COG5: variants seen among roughly 807,000 people sequenced by gnomAD.
COG5 encodes conserved oligomeric Golgi complex subunit 5.
In COG5, 86 loss-of-function variants were observed where a neutral mutation model predicts 110.4. The ratio of observed to expected loss-of-function variants is 0.78; its 90% confidence interval spans 0.65 to 0.93. The LOEUF (loss-of-function observed/expected upper bound fraction) is 0.93, where lower values mean the gene tolerates loss of function less well. COG5 is among the 40% of genes least tolerant of loss of function. The probability of loss-of-function intolerance (pLI) is 0.00; values close to 1 mark genes in which losing one functional copy is unlikely to be tolerated. For missense variants in COG5, 1,077 were observed against 987.0 expected (o/e 1.09, Z -1.22); for synonymous variants, 360 against 334.6 (o/e 1.08, Z -0.83).
chr7:107,416,788 G>T (rs892731878), intron 6 of COG5, among the ~76,000 whole-genome samples: 2 of 152,188 alleles, frequency 1.3e-5, no homozygotes, highest in African/African-American at 4.8e-5. Context: ...CAGCAGATGG[G>T]ACGTTATAGG....
At chr7:107,549,422 C>T (rs892377066) in intron 3 of COG5, among the ~76,000 whole-genome samples, 2 of 152,068 alleles carry the variant, frequency 1.3e-5, no homozygotes, top group African/African-American at 2.4e-5. Context: ...GACAGAGTCT[C>T]GCTCTGTCGC....
chr7:107,535,808 T>C (rs1178715920), intron 5 of COG5, among the ~76,000 whole-genome samples: 1 of 152,204 alleles, frequency 6.6e-6, no homozygotes, highest in African/African-American at 2.4e-5. Context: ...TAACTCATTT[T>C]ATGAGGTCAG....
rs1432862492 is a variant in COG5, at chr7:107,474,619, G to T, written c.538+52618C>A. 1 of 1,610,718 alleles carries T rather than the reference G, an allele frequency of 6.2e-7. No homozygotes were observed. The highest frequency in any genetic ancestry group is 2.2e-5 in the East Asian group (1 of 44,812). ...GGTAAATTTTTTCAGTCTTCAAAGT[G>T]GAAATACCTGGGAAAACAAGACACT... is the stretch of plus-strand genomic sequence containing the variant. On this transcript the variant is annotated intron_variant, in intron 6 of 21. Coordinates refer to ENST00000297135, the MANE Select transcript of COG5 (RefSeq NM_006348.5). The surrounding 1 kb of genome is among the most constrained non-coding windows in gnomAD (Gnocchi z 5.7).
intron 5 of COG5, among the ~76,000 whole-genome samples, chr7:107,531,906 G>A (rs1249307347): frequency 6.6e-6 from 1 of 152,074 alleles, no homozygotes; most frequent in African/African-American, 2.4e-5. Context: ...GTCAGTTCCT[G>A]AGTTCCTTTG....
At chr7:107,411,360 T>C (rs1169997546) in intron 7 of COG5, among the ~76,000 whole-genome samples, 1 of 152,028 alleles carries the variant, frequency 6.6e-6, no homozygotes, top group South Asian at 2.1e-4. Flanking sequence ...TTTTTTTTTT[T>C]AAACGGTGTA....
At chr7:107,551,430 T>G (rs1248057137) in intron 3 of COG5, among the ~76,000 whole-genome samples, 1 of 152,076 alleles carries the variant, frequency 6.6e-6, no homozygotes, top group Non-Finnish European at 1.5e-5. Context: ...TAAACATACC[T>G]CCAAACTACT....
At chr7:107,484,945 G>A (rs1224973930) in intron 6 of COG5, among the ~76,000 whole-genome samples, 1 of 152,122 alleles carries the variant, frequency 6.6e-6, no homozygotes, top group African/African-American at 2.4e-5. Context: ...CTGAAAAGAA[G>A]ACAAGTGTCT....
chr7:107,372,750 T>G lies in COG5; in HGVS notation c.680A>C (p.Gln227Pro), dbSNP rs769249727. The change falls in exon 8 of 22, where the codon CAA (glutamine) becomes CCA (proline). Residue 227 changes from glutamine to proline, a missense_variant. Coordinates refer to ENST00000297135, the MANE Select transcript of COG5 (RefSeq NM_006348.5). ...GAAAACCTGAAGAGCTGTTCCGACTTGAGTTGGATTCTTAAAAAAAGGTGG... is the reference window on the plus strand; with the variant it reads ...GAAAACCTGAAGAGCTGTTCCGACTGGAGTTGGATTCTTAAAAAAAGGTGG... The part of the protein sequence containing the change: ...EQGLETQNPT[Q>P]VGTALQVFYN... 1 of 1,613,474 alleles carries G rather than the reference T, an allele frequency of 6.2e-7. No homozygotes were observed. Among genetic ancestry groups the G allele is most frequent in the South Asian group, 1.1e-5 (1 of 91,034 alleles).
chr7:107,519,476 C>G (rs868234946), intron 6 of COG5, among the ~76,000 whole-genome samples: 3 of 151,834 alleles, frequency 2.0e-5, no homozygotes, highest in African/African-American at 7.3e-5. Flanking sequence ...CCACTGACCC[C>G]AAAGAAATAC....
At chr7:107,356,704 A>T (rs371178733) in intron 10 of COG5, among the ~76,000 whole-genome samples, 1 of 152,168 alleles carries the variant, frequency 6.6e-6, no homozygotes, top group East Asian at 1.9e-4. Context: ...TAGGGAAAAA[A>T]AGTATTAATT....
intron 10 of COG5, among the ~76,000 whole-genome samples, chr7:107,338,175 T>G (rs1033768059): frequency 6.6e-6 from 1 of 152,148 alleles, no homozygotes; most frequent in African/African-American, 2.4e-5. Flanking sequence ...ACATGAAGTC[T>G]CAAGGACCTC....
chr7:107,251,880 G>C (rs1037800765), intron 16 of COG5, among the ~76,000 whole-genome samples: 13 of 151,924 alleles, frequency 8.6e-5, no homozygotes, highest in African/African-American at 2.9e-4. Flanking sequence ...GATAAAAGCA[G>C]AAATCATTGA....
In COG5 at chr7:107,378,524, G is replaced by GA. The variant is rs542492115; in HGVS notation, c.670-5765dup. ...CCAATGCAAGGAAGCTAAGAACCTTGAAAAAAGGTTAGAAAAATCGCTAAC... is the reference window on the plus strand; with the variant it reads ...CCAATGCAAGGAAGCTAAGAACCTTGAAAAAAAGGTTAGAAAAATCGCTAAC... On this transcript the variant is annotated intron_variant, in intron 7 of 21. Coordinates refer to ENST00000297135, the MANE Select transcript of COG5 (RefSeq NM_006348.5). 1.6e-3 allele frequency among the ~76,000 whole-genome samples: 236 copies of GA among 152,108 alleles called. 1 individual carries two copies. Among genetic ancestry groups the GA allele is most frequent in the African/African-American group, 5.3e-3 (222 of 41,504 alleles).
chr7:107,330,345 C>A lies in COG5; in HGVS notation c.1027-5824G>T, dbSNP rs116506262. On this transcript the variant is annotated intron_variant, in intron 10 of 21. Coordinates refer to ENST00000297135, the MANE Select transcript of COG5 (RefSeq NM_006348.5). ...CACATATTATTACATATAAATAGAA[C>A]AAAAGTAAAATATACAAAAATGTCA... 5.5e-3 allele frequency among the ~76,000 whole-genome samples: 831 copies of A among 152,078 alleles called. 9 individuals carry two copies. Among genetic ancestry groups the A allele is most frequent in the African/African-American group, 0.02 (809 of 41,484 alleles).
chr7:107,556,599 C>A (rs1803342836), intron 2 of COG5, among the ~76,000 whole-genome samples: 1 of 152,198 alleles, frequency 6.6e-6, no homozygotes, highest in African/African-American at 2.4e-5. Flanking sequence ...ATTATCCCCG[C>A]TCTCATAAAC....
rs71134263 is a variant in COG5, at chr7:107,365,596, CAAAAAAAAAAA to C, written c.836-3187_836-3177del. On this transcript the variant is annotated intron_variant, in intron 8 of 21. Coordinates refer to ENST00000297135, the MANE Select transcript of COG5 (RefSeq NM_006348.5). ...GGGAATGTTCAACATTGCAAAATGA[CAAAAAAAAAAA>C]AAAAAAAAAAAAAAAGAAAAGCTGA... Among the ~76,000 whole-genome samples, 209 of 36,716 alleles carry C rather than the reference CAAAAAAAAAAA, an allele frequency of 5.7e-3. 1 individual carries two copies. The highest frequency in any genetic ancestry group is 6.6e-3 in the Non-Finnish European group (131 of 19,906). The allele number at this position is 36,716 out of a possible 152,430, so 24.1% of individuals were successfully genotyped here.
rs762315475 is a variant in COG5, at chr7:107,283,703, T to C, written c.1343A>G (p.Gln448Arg). The change falls in exon 13 of 22, where the codon CAA (glutamine) becomes CGA (arginine). Residue 448 changes from glutamine to arginine, a missense_variant. Coordinates refer to ENST00000297135, the MANE Select transcript of COG5 (RefSeq NM_006348.5). ...DPEKALKDSLQPYEAAYLSKS... is the reference protein window; with the variant it reads ...DPEKALKDSLRPYEAAYLSKS... The stretch of plus-strand genomic sequence containing the variant: ...TGATAGATAAGCAGCCTCATAGGGT[T>C]GTAGTGAGTCTTTCAAAGCCTTTTC... 9.9e-6 allele frequency: 16 copies of C among 1,613,930 alleles called. No homozygotes were observed. The Admixed American group carries it at 2.7e-4, about 27-fold the overall frequency.
At chr7:107,464,782 G>A (rs1297921366) in intron 6 of COG5, among the ~76,000 whole-genome samples, 1 of 152,132 alleles carries the variant, frequency 6.6e-6, no homozygotes, top group Non-Finnish European at 1.5e-5. Flanking sequence ...CATGATATCA[G>A]TGAAAATTCA....
rs1257240111 is a variant in COG5, at chr7:107,412,762, C to A, written c.539-130G>T. On this transcript the variant is annotated intron_variant, in intron 6 of 21. Transcript: ENST00000297135. ...TTAAACAGGGTTGCCATTCAAAATC[C>A]GTATTTTAAAAAATACAGTTTCCCA... The A allele has an allele frequency of 5.2e-5, 32 of 616,046 alleles. No individual in the cohort carries two copies. The South Asian group carries it at 6.4e-4, about 12-fold the overall frequency. The allele number at this position is 616,046 out of a possible 1,614,324, so 38.2% of individuals were successfully genotyped here.
Sources: allele counts gnomAD v4.1 joint callset (sites outside exome capture counted in the v4.1 genomes callset), GRCh38; gene constraint gnomAD v4.1.1; non-coding constraint Gnocchi (gnomAD v3.1); transcripts MANE v1.5; gene names NCBI Gene and HGNC (gene_info 2026-07-23, HGNC 2026-07-21).